The following HK1 variants were observed in gnomAD, a reference collection of about 807,000 sequenced individuals.
The protein encoded by HK1 is hexokinase 1.
Under a neutral mutation model 91.6 loss-of-function variants are expected in HK1, and 28 were observed. That is an observed-to-expected ratio of 0.31 (90% CI 0.23 to 0.42). The LOEUF (loss-of-function observed/expected upper bound fraction) is 0.42, where lower values mean the gene tolerates loss of function less well. Ranked by LOEUF, HK1 falls within the 10% of genes least tolerant of loss-of-function variation. HK1 has a pLI of 1.00. For synonymous variants in HK1, 430 were observed against 468.1 expected (o/e 0.92, Z 1.05); for missense variants, 770 against 1,219.8 (o/e 0.63, Z 5.49).
At chr10:69,345,633 T>C (rs528837228) in intron 2 of HK1, among the ~76,000 whole-genome samples, 21 of 152,194 alleles carry the variant, frequency 1.4e-4, no homozygotes, top group Middle Eastern at 3.4e-3. Flanking sequence ...ACCTGATCCC[T>C]GCGAGGCACC....
intron 1 of HK1, among the ~76,000 whole-genome samples, chr10:69,331,789 T>A (rs1057455888): frequency 6.6e-6 from 1 of 152,062 alleles, no homozygotes; most frequent in Admixed American, 6.6e-5. Context: ...GGTGAGAGGA[T>A]TGCTTGAGCC....
chr10:69,321,070 T>C (rs1439955765), intron 1 of HK1, among the ~76,000 whole-genome samples: 1 of 152,138 alleles, frequency 6.6e-6, no homozygotes. Flanking sequence ...AGATATTATT[T>C]GTCAAGGAGA....
At chr10:69,357,581 C>T (rs1849194611) in intron 2 of HK1, among the ~76,000 whole-genome samples, 1 of 152,102 alleles carries the variant, frequency 6.6e-6, no homozygotes, top group Non-Finnish European at 1.5e-5. Context: ...CTCCAAGTAG[C>T]TGGGATTACA....
intron 7 of HK1, among the ~76,000 whole-genome samples, chr10:69,372,590 G>A (rs904605668): frequency 6.6e-6 from 1 of 152,204 alleles, no homozygotes; most frequent in African/African-American, 2.4e-5. Context: ...CATTGTTGAG[G>A]TGTGGTCTGG....
At chr10:69,396,779 T>C (rs1840163129) in intron 16 of HK1, among the ~76,000 whole-genome samples, 3 of 152,148 alleles carry the variant, frequency 2.0e-5, no homozygotes, top group Non-Finnish European at 4.4e-5. Context: ...CCTCCTGGGT[T>C]CAAGCGATTC....
chr10:69,283,109 A>T (rs2132434419), intron 2 of HK1, among the ~76,000 whole-genome samples: 1 of 99,454 alleles, frequency 1.0e-5, no homozygotes, highest in African/African-American at 3.8e-5. Context: ...GGGTGACAAG[A>T]GCGAAACTCA....
chr10:69,295,761 A>G (rs1193842489), intron 4 of HK1: 1 of 944,066 alleles, frequency 1.1e-6, no homozygotes, highest in Non-Finnish European at 1.7e-6. Flanking sequence ...CTTTGGGATA[A>G]TGATTTTCAG....
intron 1 of HK1, among the ~76,000 whole-genome samples, chr10:69,333,850 C>T (rs566856645): frequency 3.9e-5 from 6 of 152,268 alleles, no homozygotes; most frequent in South Asian, 2.1e-4. Context: ...CAGTGGCTCA[C>T]GCCTGTAATC....
chr10:69,307,256 A>T (rs2132521107), intron 5 of HK1, among the ~76,000 whole-genome samples: 1 of 152,200 alleles, frequency 6.6e-6, no homozygotes, highest in African/African-American at 2.4e-5. Flanking sequence ...AGTGGAATCA[A>T]CCCAAGCCAG....
chr10:69,277,514 G>A (rs1023756770), intron 1 of HK1, among the ~76,000 whole-genome samples: 7 of 152,172 alleles, frequency 4.6e-5, no homozygotes, highest in African/African-American at 7.2e-5. Context: ...GCTGCAGTGA[G>A]CCATGATCAT....
chr10:69,289,310 C>A lies in HK1; in HGVS notation c.-115+540C>A, dbSNP rs189560847. Among the ~76,000 whole-genome samples, 247 of 152,186 alleles carry A rather than the reference C, an allele frequency of 1.6e-3. 5 individuals carry two copies. The highest frequency in any genetic ancestry group is 0.016 in the Admixed American group (244 of 15,278). ...AGCCCAGAGGATCGTTCTGTATCCC[C>A]CTGGTTAATTGCTTTTTAGACAGTT... On this transcript the variant is annotated intron_variant, in intron 3 of 21. Transcript: ENST00000360289.
intron 1 of HK1, among the ~76,000 whole-genome samples, chr10:69,323,796 C>T (rs570300522): frequency 3.9e-5 from 6 of 152,170 alleles, no homozygotes; most frequent in Non-Finnish European, 8.8e-5. Context: ...CATGCTCCCA[C>T]GCTCCTACTG....
intron 2 of HK1, among the ~76,000 whole-genome samples, chr10:69,287,031 G>T (rs976712839): frequency 6.6e-6 from 1 of 151,912 alleles, no homozygotes; most frequent in Non-Finnish European, 1.5e-5. Context: ...GTCTGTTTTC[G>T]CACTGCTATA....
intron 4 of HK1, among the ~76,000 whole-genome samples, chr10:69,296,817 A>T (rs1359541127): frequency 6.6e-6 from 1 of 152,204 alleles, no homozygotes. Flanking sequence ...CATGGCCTGA[A>T]GGATCCTCTA....
intron 5 of HK1, among the ~76,000 whole-genome samples, chr10:69,305,888 A>AAAAAAAC (rs1564497715): frequency 2.7e-5 from 4 of 149,772 alleles, no homozygotes; most frequent in Non-Finnish European, 5.9e-5. Flanking sequence ...AAAACAACAA[A>AAAAAAAC]AAAAAATAAG....
chr10:69,358,422 G>A (rs1013123478), intron 2 of HK1, among the ~76,000 whole-genome samples: 5 of 152,220 alleles, frequency 3.3e-5, no homozygotes, highest in Admixed American at 2.6e-4. Context: ...TAGCAGACCA[G>A]TACTTTGGCC....
chr10:69,276,002 A>G (rs1224404851), intron 1 of HK1, among the ~76,000 whole-genome samples: 1 of 148,122 alleles, frequency 6.8e-6, no homozygotes, highest in East Asian at 2.1e-4. Flanking sequence ...AGGAAGGAGA[A>G]TCGCTTGAAT....
At chr10:69,271,477 CTTTT>C (rs34031234) in intron 1 of HK1, among the ~76,000 whole-genome samples, 49 of 125,988 alleles carry the variant, frequency 3.9e-4, no homozygotes, top group African/African-American at 8.0e-4. Context: ...ATTTTGAAGT[CTTTT>C]TTTTTTTTTT....
rs933117607 is a variant in HK1 at position 69,288,849 on chromosome 10, C to T, written c.-115+79C>T. On this transcript the variant is annotated intron_variant, in intron 3 of 21. Transcript: ENST00000360289. ...TCGCCCAGGCTGGAGTGTAGTGGCG[C>T]GATCTCGGCTCACTATAACCTCTGC... 7.0e-5 allele frequency: 85 copies of T among 1,210,054 alleles called. 1 individual carries two copies. Among genetic ancestry groups the T allele is most frequent in the East Asian group, 2.6e-4 (11 of 41,578 alleles). The allele number at this position is 1,210,054 out of a possible 1,614,324, so 75.0% of individuals were successfully genotyped here. A position where few individuals can be genotyped will look rare whatever the true frequency, so the allele number is the denominator to read the frequency against.
Sources: gnomAD v4.1 joint callset for allele counts (sites outside exome capture counted in the v4.1 genomes callset) on GRCh38, gnomAD v4.1.1 for gene constraint, MANE v1.5 for transcripts, NCBI Gene and HGNC (gene_info 2026-07-23, HGNC 2026-07-21) for gene names.